TLN2: variants seen among roughly 807,000 people sequenced by gnomAD.
TLN2 encodes talin-2.
TLN2 carries 118 observed loss-of-function variants against 294.7 expected under a neutral mutation model. The observed-to-expected ratio is 0.40, with a 90% CI of 0.34 to 0.47. The LOEUF (loss-of-function observed/expected upper bound fraction) is 0.47, where lower values mean the gene tolerates loss of function less well. Among genes scored for constraint, TLN2 ranks in the 20% least tolerant of loss-of-function variants. The probability of loss-of-function intolerance (pLI) is 0.84; values close to 1 mark genes in which losing one functional copy is unlikely to be tolerated. For missense variants in TLN2, 3,083 were observed against 3,282.2 expected (o/e 0.94, Z 1.48); for synonymous variants, 1,431 against 1,304.5 (o/e 1.10, Z -2.09).
chr15:62,578,757 T>C (rs980423602), intron 1 of TLN2, among the ~76,000 whole-genome samples: 7 of 152,274 alleles, frequency 4.6e-5, no homozygotes, highest in African/African-American at 1.4e-4. Context: ...CGTGTGTCCC[T>C]CGCATCAGCT....
In TLN2 at chr15:62,682,554, C is replaced by A. The variant is rs754859164; in HGVS notation, c.958-4087C>A. ...TTTGATCTTGGATAAGTTACCTTACCTTTCATCTCTAAGCTTCAGTTTGTT... is the reference window on the plus strand; with the variant it reads ...TTTGATCTTGGATAAGTTACCTTACATTTCATCTCTAAGCTTCAGTTTGTT... On this transcript the variant is annotated intron_variant, in intron 11 of 58. Transcript: ENST00000636159. 2.6e-4 allele frequency among the ~76,000 whole-genome samples: 40 copies of A among 152,076 alleles called. 1 individual carries two copies. Among genetic ancestry groups the A allele is most frequent in the Admixed American group, 7.2e-4 (11 of 15,268 alleles).
intron 11 of TLN2, chr15:62,682,912 C>A (rs1356793411): frequency 6.6e-6 from 1 of 152,190 alleles, no homozygotes; most frequent in African/African-American, 2.4e-5. Flanking sequence ...CTCCCCTCAA[C>A]TGTAAAAACA....
intron 1 of TLN2, among the ~76,000 whole-genome samples, chr15:62,577,962 T>A (rs934283107): frequency 1.3e-5 from 2 of 152,164 alleles, no homozygotes; most frequent in Admixed American, 6.5e-5. Flanking sequence ...TCTGTCCTTG[T>A]GATAGTTTGC....
rs1878787 is a variant in TLN2 at position 62,735,306 on chromosome 15, T to A, written c.3359-1572T>A. ...CTCTTCTTGGGTGTGCCAAGGACTG[T>A]GTGCCAGGTAGTAAGACTCACGTTT... On this transcript the variant is annotated intron_variant, in intron 28 of 58. Coordinates refer to ENST00000636159, the MANE Select transcript of TLN2 (RefSeq NM_015059.3). Among the ~76,000 whole-genome samples, 15 of 152,318 alleles carry A rather than the reference T, an allele frequency of 9.8e-5. No individual in the cohort carries two copies. The East Asian group carries it at 2.9e-3, about 29-fold the overall frequency.
chr15:62,546,175 C>T (rs1300323097), intron 1 of TLN2, among the ~76,000 whole-genome samples: 2 of 152,186 alleles, frequency 1.3e-5, no homozygotes, highest in Admixed American at 1.3e-4. Flanking sequence ...TCTGTCTTCA[C>T]TACCTCTGAC....
chr15:62,553,916 A>T (rs546487664), intron 1 of TLN2, among the ~76,000 whole-genome samples: 2 of 151,104 alleles, frequency 1.3e-5, no homozygotes, highest in African/African-American at 4.8e-5. Context: ...TTAGCTTGGG[A>T]TGCATATCTT....
intron 29 of TLN2, 44 bp from the exon 30 acceptor site, chr15:62,738,170 A>C (rs572900757): frequency 1.2e-6 from 2 of 1,605,744 alleles, no homozygotes; most frequent in Non-Finnish European, 1.7e-6. Context: ...AAATGTGCAG[A>C]AATGTTTGTA....
At chr15:62,576,276 AT>A (rs1429027472) in intron 1 of TLN2, among the ~76,000 whole-genome samples, 192 of 150,932 alleles carry the variant, frequency 1.3e-3, no homozygotes, top group African/African-American at 4.3e-3. Context: ...AAAAAAAAAA[AT>A]AAATAAAAAT....
At chr15:62,622,063 T>C (rs1349774053) in intron 3 of TLN2, among the ~76,000 whole-genome samples, 1 of 149,660 alleles carries the variant, frequency 6.7e-6, no homozygotes, top group Non-Finnish European at 1.5e-5. Flanking sequence ...AGGCTTTTCT[T>C]GGCCTAAAGG....
At chr15:62,423,743 G>C (rs980533339) in intron 1 of TLN2, among the ~76,000 whole-genome samples, 1 of 152,102 alleles carries the variant, frequency 6.6e-6, no homozygotes, top group African/African-American at 2.4e-5. Context: ...ACCACACCCA[G>C]CTAATTTTTG....
At position 62,784,891 on chromosome 15, in the gene TLN2, A is replaced by T. The variant is rs530894476; in HGVS notation, c.5736+1001A>T. 7.2e-5 allele frequency: 11 copies of T among 152,346 alleles called. No homozygotes were observed. In the East Asian group the frequency reaches 2.1e-3, roughly 29 times the overall value. 9.4% of individuals were successfully genotyped at this position (152,346 alleles called of 1,614,324 possible). A position where few individuals can be genotyped will look rare whatever the true frequency, so the allele number is the denominator to read the frequency against. ...CTTATAGTGACAGTCACTGTCCCCA[A>T]GTTACTCAGTGCTGCTATTTCTCCT... is the stretch of plus-strand genomic sequence containing the variant. On this transcript the variant is annotated intron_variant, in intron 45 of 58. Transcript: ENST00000636159.
chr15:62,796,772 G>A (rs1596028091), intron 47 of TLN2, among the ~76,000 whole-genome samples: 1 of 152,192 alleles, frequency 6.6e-6, no homozygotes, highest in South Asian at 2.1e-4. Flanking sequence ...CAATCCAAGG[G>A]CTGGGCTAGG....
At position 62,610,509 on chromosome 15, in the gene TLN2, C is replaced by G. The variant is rs538578745; in HGVS notation, c.-161-7842C>G. Among the ~76,000 whole-genome samples the G allele has an allele frequency of 2.0e-5, 3 of 152,344 alleles. No individual in the cohort carries two copies. The South Asian group carries it at 6.2e-4, about 32-fold the overall frequency. ...TGCATTTTCTCTGTAAGATACATCA[C>G]AGCCTCCTTCTGCTTAGGAACGCTA... On this transcript the variant is annotated intron_variant, in intron 2 of 58. Coordinates refer to ENST00000636159, the MANE Select transcript of TLN2 (RefSeq NM_015059.3).
At chr15:62,542,320 T>C (rs2041739992) in intron 1 of TLN2, among the ~76,000 whole-genome samples, 1 of 151,634 alleles carries the variant, frequency 6.6e-6, no homozygotes, top group African/African-American at 2.4e-5. Flanking sequence ...GCCTCCAGAG[T>C]AGCTGGGACT....
intron 1 of TLN2, among the ~76,000 whole-genome samples, chr15:62,459,718 C>T (rs1055639538): frequency 3.3e-5 from 5 of 152,104 alleles, no homozygotes; most frequent in Admixed American, 6.6e-5. Context: ...TGTCCTGGGG[C>T]AGGCTTTAGT....
rs76655977 is a variant in TLN2 at position 62,598,814 on chromosome 15, A to T, written c.-162+9052A>T. ...TGGTGGTCTGAATAAATCTTTTAGT[A>T]TCCTGGTATTTGTGAGTTACCTCCT... On this transcript the variant is annotated intron_variant, in intron 2 of 58. Transcript: ENST00000636159. 3.9e-3 allele frequency among the ~76,000 whole-genome samples: 587 copies of T among 152,072 alleles called. 5 individuals are homozygous for T. Among genetic ancestry groups the T allele is most frequent in the African/African-American group, 0.013 (555 of 41,504 alleles).
In TLN2 at chr15:62,805,127, C is replaced by T. The variant is rs1378897052; in HGVS notation, c.6478-473C>T. Among the ~76,000 whole-genome samples the T allele has an allele frequency of 2.6e-5, 4 of 152,204 alleles. No individual in the cohort carries two copies. The East Asian group carries it at 7.7e-4, about 29-fold the overall frequency. On this transcript the variant is annotated intron_variant, in intron 50 of 58. Coordinates refer to ENST00000636159, the MANE Select transcript of TLN2 (RefSeq NM_015059.3). Reference sequence around the variant, plus strand: ...CTAAGAATAGAAGGAACTGATGCTTCATTTCCCCCAACCTCACATCCTCTC... The same window carrying T: ...CTAAGAATAGAAGGAACTGATGCTTTATTTCCCCCAACCTCACATCCTCTC...
chr15:62,627,699 T>C (rs778453077), intron 3 of TLN2, among the ~76,000 whole-genome samples: 1 of 152,218 alleles, frequency 6.6e-6, no homozygotes, highest in Non-Finnish European at 1.5e-5. Context: ...GTTTTAAAAA[T>C]TGATTATTAT....
chr15:62,394,724 A>C (rs1168103254), intron 1 of TLN2, among the ~76,000 whole-genome samples: 2 of 152,188 alleles, frequency 1.3e-5, no homozygotes, highest in African/African-American at 4.8e-5. Context: ...GAGGAGGGGA[A>C]GATAACATGC....
Sources: allele counts gnomAD v4.1 joint callset (sites outside exome capture counted in the v4.1 genomes callset), GRCh38; gene constraint gnomAD v4.1.1; transcripts MANE v1.5; gene names NCBI Gene and HGNC (gene_info 2026-07-23, HGNC 2026-07-21).